Variants in PDE3A observed in about 807,000 individuals in gnomAD.
The protein encoded by PDE3A is cGMP-inhibited 3',5'-cyclic phosphodiesterase 3A.
PDE3A carries 43 observed loss-of-function variants against 98.3 expected under a neutral mutation model. The ratio of observed to expected loss-of-function variants is 0.44; its 90% confidence interval spans 0.34 to 0.56. The LOEUF is 0.56. PDE3A is among the 20% of genes least tolerant of loss of function. PDE3A has a pLI of 0.01. For missense variants in PDE3A, 1,427 were observed against 1,440.7 expected (o/e 0.99, Z 0.15); for synonymous variants, 663 against 567.9 (o/e 1.17, Z -2.38).
At chr12:20,633,992 G>A (rs1272577354) in intron 7 of PDE3A, among the ~76,000 whole-genome samples, 1 of 152,088 alleles carries the variant, frequency 6.6e-6, no homozygotes, top group African/African-American at 2.4e-5. Flanking sequence ...GAGCCACTGT[G>A]CCCAGCCTGA....
chr12:20,588,119 C>T (rs948117309), intron 2 of PDE3A, among the ~76,000 whole-genome samples: 2 of 152,118 alleles, frequency 1.3e-5, no homozygotes, highest in African/African-American at 4.8e-5. Context: ...GGAAGAGAAC[C>T]ATGAAGAAGG....
At chr12:20,395,848 G>A (rs1474979855) in intron 1 of PDE3A, among the ~76,000 whole-genome samples, 2 of 151,476 alleles carry the variant, frequency 1.3e-5, no homozygotes, top group African/African-American at 2.4e-5. Context: ...AATGAGGTTC[G>A]TTAAAAAGAA....
At chr12:20,501,475 A>T (rs913961089) in intron 1 of PDE3A, among the ~76,000 whole-genome samples, 3 of 152,150 alleles carry the variant, frequency 2.0e-5, no homozygotes, top group Non-Finnish European at 4.4e-5. Context: ...TACTACTCTA[A>T]ATAGAAATAA....
chr12:20,461,236 GAAAA>G (rs67508401), intron 1 of PDE3A, among the ~76,000 whole-genome samples: 4 of 98,484 alleles, frequency 4.1e-5, no homozygotes, highest in African/African-American at 1.3e-4. Flanking sequence ...GTGTTTGTCA[GAAAA>G]AAAAAAAAAA....
intron 1 of PDE3A, among the ~76,000 whole-genome samples, chr12:20,386,051 AAT>A (rs1308353603): frequency 3.0e-4 from 9 of 30,308 alleles, no homozygotes; most frequent in South Asian, 2.0e-3. Context: ...AATATATATA[AAT>A]ATATATAAAT....
At chr12:20,666,193 G>A (rs1313481099) in intron 15 of PDE3A, among the ~76,000 whole-genome samples, 1 of 151,924 alleles carries the variant, frequency 6.6e-6, no homozygotes, top group African/African-American at 2.4e-5. Flanking sequence ...TTAAACTCCT[G>A]ACCTCAAGTG....
chr12:20,526,884 CTGTGTGTGTG>C (rs71039949), intron 1 of PDE3A, among the ~76,000 whole-genome samples: 5,545 of 136,876 alleles, frequency 0.041, 148 homozygotes, highest in African/African-American at 0.082. Flanking sequence ...ACATTTTTTT[CTGTGTGTGTG>C]TGTGTGTGTG....
intron 1 of PDE3A, among the ~76,000 whole-genome samples, chr12:20,411,136 T>G (rs989773136): frequency 1.3e-5 from 2 of 152,216 alleles, no homozygotes; most frequent in Non-Finnish European, 2.9e-5. Context: ...TAAATCATGG[T>G]ATAATACACA....
intron 15 of PDE3A, among the ~76,000 whole-genome samples, chr12:20,674,216 GA>G (rs1945573370): frequency 6.6e-6 from 1 of 151,996 alleles, no homozygotes; most frequent in African/African-American, 2.4e-5. Context: ...AGAGTTTTTT[GA>G]TGGAGTCTAT....
chr12:20,679,931 G>A (rs912852628), intron 15 of PDE3A, 99 bp from the exon 16 acceptor site: 2 of 418,602 alleles, frequency 4.8e-6, no homozygotes, highest in Non-Finnish European at 8.2e-6. Flanking sequence ...ATAAGGTTAT[G>A]GATTAACTCC....
chr12:20,391,390 C>T (rs10841502), intron 1 of PDE3A, among the ~76,000 whole-genome samples: 68,907 of 114,204 alleles, frequency 0.6, 18,159 homozygotes, highest in East Asian at 0.69. Flanking sequence ...TATATATATA[C>T]ACACACACAT....
At chr12:20,569,400 T>C (rs900802407) in intron 2 of PDE3A, among the ~76,000 whole-genome samples, 10 of 152,132 alleles carry the variant, frequency 6.6e-5, no homozygotes, top group African/African-American at 1.9e-4. Flanking sequence ...AGTTTATTTA[T>C]TTATGAGGGA....
At chr12:20,447,262 T>C (rs1250770412) in intron 1 of PDE3A, among the ~76,000 whole-genome samples, 1 of 152,198 alleles carries the variant, frequency 6.6e-6, no homozygotes, top group Admixed American at 6.5e-5. Context: ...AATTGTGATA[T>C]TGTAAAATAT....
At chr12:20,454,854 T>C (rs545308487) in intron 1 of PDE3A, among the ~76,000 whole-genome samples, 1 of 152,348 alleles carries the variant, frequency 6.6e-6, no homozygotes, top group East Asian at 1.9e-4. Context: ...TACCTCATTT[T>C]CTTTATCCAG....
chr12:20,585,883 A>G (rs1943183479), intron 2 of PDE3A, among the ~76,000 whole-genome samples: 1 of 152,084 alleles, frequency 6.6e-6, no homozygotes, highest in Non-Finnish European at 1.5e-5. Flanking sequence ...CCACAGACAT[A>G]TACTGAACAC....
intron 1 of PDE3A, among the ~76,000 whole-genome samples, chr12:20,555,180 C>T (rs1489623184): frequency 1.3e-5 from 2 of 152,060 alleles, no homozygotes; most frequent in Admixed American, 6.5e-5. Flanking sequence ...CACACTACCA[C>T]GCCTGGCTAA....
At chr12:20,470,342 C>G (rs1012934864) in intron 1 of PDE3A, among the ~76,000 whole-genome samples, 4 of 152,056 alleles carry the variant, frequency 2.6e-5, no homozygotes, top group Admixed American at 6.6e-5. Flanking sequence ...AAGAGGGACT[C>G]TGAGGCTCTG....
chr12:20,614,115 TC>T (rs1192396164), intron 3 of PDE3A, among the ~76,000 whole-genome samples: 1 of 150,414 alleles, frequency 6.6e-6, no homozygotes, highest in Non-Finnish European at 1.5e-5. Context: ...TCTTTGATTC[TC>T]TTGAATGATA....
chr12:20,634,868 G>C, intron 7 of PDE3A, 34 bp from the exon 8 acceptor site: 1 of 1,553,868 alleles, frequency 6.4e-7, no homozygotes. Flanking sequence ...CCCCATTGTA[G>C]ATCTTGTAAT....
Sources: allele counts gnomAD v4.1 joint callset (sites outside exome capture counted in the v4.1 genomes callset), GRCh38; gene constraint gnomAD v4.1.1; transcripts MANE v1.5; gene names NCBI Gene and HGNC (gene_info 2026-07-23, HGNC 2026-07-21).